Variants in SMYD3 observed in about 807,000 individuals in gnomAD.
The protein encoded by SMYD3 is histone-lysine N-methyltransferase SMYD3.
Under a neutral mutation model 57.7 loss-of-function variants are expected in SMYD3, and 36 were observed. The observed-to-expected ratio is 0.62, with a 90% CI of 0.48 to 0.82. The LOEUF (loss-of-function observed/expected upper bound fraction) is 0.82, where lower values mean the gene tolerates loss of function less well. Ranked by LOEUF, SMYD3 falls within the 40% of genes least tolerant of loss-of-function variation. SMYD3 has a pLI of 0.00. For synonymous variants in SMYD3, 211 were observed against 195.0 expected (o/e 1.08, Z -0.68); for missense variants, 515 against 538.8 (o/e 0.96, Z 0.44).
chr1:246,396,066 A>G (rs565889664), intron 1 of SMYD3, among the ~76,000 whole-genome samples: 33 of 152,296 alleles, frequency 2.2e-4, no homozygotes, highest in African/African-American at 7.9e-4. Context: ...CTTGGTCAAG[A>G]GCCTTTATGA....
intron 5 of SMYD3, among the ~76,000 whole-genome samples, chr1:246,201,083 T>C (rs760294208): frequency 2.6e-5 from 4 of 152,242 alleles, no homozygotes; most frequent in Non-Finnish European, 5.9e-5. Flanking sequence ...TTTGCTTTTA[T>C]ATAAACCTAA....
chr1:245,857,781 G>A (rs1204103277), intron 10 of SMYD3, among the ~76,000 whole-genome samples: 1 of 152,080 alleles, frequency 6.6e-6, no homozygotes, highest in Non-Finnish European at 1.5e-5. Flanking sequence ...GTTCTCAGCC[G>A]ACTGCAAATC....
intron 10 of SMYD3, among the ~76,000 whole-genome samples, chr1:245,774,980 A>T (rs1490927302): frequency 1.3e-5 from 2 of 152,148 alleles, no homozygotes; most frequent in African/African-American, 4.8e-5. Context: ...CAGGGATTGC[A>T]GACGGAGTCT....
At chr1:246,301,435 G>C (rs1283442179) in intron 5 of SMYD3, among the ~76,000 whole-genome samples, 1 of 152,084 alleles carries the variant, frequency 6.6e-6, no homozygotes, top group Non-Finnish European at 1.5e-5. Context: ...TTCCTGCAGG[G>C]ACAAGGGAAA....
At chr1:246,386,410 A>G (rs2066481286) in intron 1 of SMYD3, among the ~76,000 whole-genome samples, 1 of 152,232 alleles carries the variant, frequency 6.6e-6, no homozygotes, top group African/African-American at 2.4e-5. Context: ...CAGTGTTGTC[A>G]GGAACCAAAG....
intron 5 of SMYD3, among the ~76,000 whole-genome samples, chr1:245,960,342 T>C (rs1310798699): frequency 6.6e-6 from 1 of 152,236 alleles, no homozygotes. Flanking sequence ...TATCATTGGC[T>C]TTCTGTTATG....
intron 1 of SMYD3, among the ~76,000 whole-genome samples, chr1:246,373,751 T>C (rs961374974): frequency 2.0e-5 from 3 of 152,354 alleles, no homozygotes; most frequent in Middle Eastern, 3.4e-3. Flanking sequence ...CTTTGACTTA[T>C]ATGAACTTGA....
chr1:246,236,028 T>C (rs1004565165), intron 5 of SMYD3, among the ~76,000 whole-genome samples: 2 of 152,110 alleles, frequency 1.3e-5, no homozygotes, highest in African/African-American at 2.4e-5. Flanking sequence ...ATATATACAT[T>C]CCTGAAAAAT....
At chr1:246,451,766 C>T (rs1193639721) in intron 1 of SMYD3, among the ~76,000 whole-genome samples, 1 of 152,316 alleles carries the variant, frequency 6.6e-6, no homozygotes, top group East Asian at 1.9e-4. Flanking sequence ...GTGCTACGCA[C>T]TCAATTTTGC....
At chr1:246,078,559 G>A (rs1412894519) in intron 5 of SMYD3, among the ~76,000 whole-genome samples, 2 of 152,218 alleles carry the variant, frequency 1.3e-5, no homozygotes, top group Admixed American at 1.3e-4. Context: ...AGGTCAAGAA[G>A]TTTAGACTTT....
chr1:246,059,476 C>T (rs1013512763), intron 5 of SMYD3, among the ~76,000 whole-genome samples: 2 of 152,136 alleles, frequency 1.3e-5, no homozygotes, highest in Non-Finnish European at 2.9e-5. Context: ...CTCTCGACTC[C>T]ACTGGCACTA....
intron 5 of SMYD3, among the ~76,000 whole-genome samples, chr1:245,937,970 T>G (rs1335113611): frequency 6.6e-6 from 1 of 152,214 alleles, no homozygotes; most frequent in Non-Finnish European, 1.5e-5. Flanking sequence ...TATCTGTTTT[T>G]CCGTCAAATT....
chr1:246,411,570 G>A (rs1041672515), intron 1 of SMYD3, among the ~76,000 whole-genome samples: 23 of 152,130 alleles, frequency 1.5e-4, no homozygotes, highest in African/African-American at 4.3e-4. Flanking sequence ...GACTTGGAAC[G>A]AAGCCAAATG....
At chr1:246,048,224 T>C (rs2060004274) in intron 5 of SMYD3, among the ~76,000 whole-genome samples, 1 of 152,212 alleles carries the variant, frequency 6.6e-6, no homozygotes, top group South Asian at 2.1e-4. Context: ...ACCCAGTAGA[T>C]TGGAAAAATA....
intron 5 of SMYD3, among the ~76,000 whole-genome samples, chr1:246,081,237 T>C (rs1456733970): frequency 2.0e-5 from 3 of 152,206 alleles, no homozygotes; most frequent in African/African-American, 7.2e-5. Context: ...ACCTAAGAGC[T>C]GAAAGACTTC....
chr1:246,322,976 G>A (rs2065274904), intron 5 of SMYD3, among the ~76,000 whole-genome samples: 1 of 152,178 alleles, frequency 6.6e-6, no homozygotes, highest in African/African-American at 2.4e-5. Context: ...CTCCGGAGGA[G>A]GTTGATATAT....
chr1:245,907,999 G>A (rs1467710239), intron 8 of SMYD3, among the ~76,000 whole-genome samples: 1 of 152,156 alleles, frequency 6.6e-6, no homozygotes, highest in Non-Finnish European at 1.5e-5. Flanking sequence ...AGCTGGGCGT[G>A]GTGGCTCGTG....
intron 1 of SMYD3, among the ~76,000 whole-genome samples, chr1:246,376,999 T>C (rs1053432070): frequency 1.9e-4 from 29 of 151,708 alleles, no homozygotes; most frequent in Non-Finnish European, 3.8e-4. Flanking sequence ...ACTCAGGAGG[T>C]TGAGGCAGGA....
At chr1:246,217,509 A>G (rs1464116247) in intron 5 of SMYD3, among the ~76,000 whole-genome samples, 1 of 152,114 alleles carries the variant, frequency 6.6e-6, no homozygotes, top group Admixed American at 6.5e-5. Context: ...ACCCTGTCTC[A>G]AAATATAAAT....
Sources: allele counts gnomAD v4.1 joint callset (sites outside exome capture counted in the v4.1 genomes callset), GRCh38; gene constraint gnomAD v4.1.1; transcripts MANE v1.5; gene names NCBI Gene and HGNC (gene_info 2026-07-23, HGNC 2026-07-21).